Variants in NTNG2 observed in about 807,000 individuals in gnomAD.
NTNG2 encodes netrin G2.
Under a neutral mutation model 47.6 loss-of-function variants are expected in NTNG2, and 15 were observed. The ratio of observed to expected loss-of-function variants is 0.32; its 90% CI spans 0.21 to 0.49. The LOEUF is 0.49. Ranked by LOEUF, NTNG2 falls within the 20% of genes least tolerant of loss-of-function variation. The pLI is 0.99. For missense variants in NTNG2, 578 were observed against 764.6 expected, an observed-to-expected ratio of 0.76 and a Z score of 2.88; for synonymous variants, 307 against 324.6, an observed-to-expected ratio of 0.95 and a Z score of 0.58.
At chr9:132,164,649 G>T (rs7851893) in intron 1 of NTNG2, among the ~76,000 whole-genome samples, 70,073 of 152,188 alleles carry the variant, frequency 0.46, 17,253 homozygotes, top group African/African-American at 0.64. Context: ...GGCACGTTCT[G>T]TCTTAGAGTT....
chr9:132,172,722 A>ATTTTTT lies in NTNG2; in HGVS notation c.213+5697_213+5702dup, dbSNP rs35406789. 5.7e-3 allele frequency among the ~76,000 whole-genome samples: 476 copies of ATTTTTT among 83,462 alleles called. 20 individuals are homozygous for ATTTTTT. Among genetic ancestry groups the ATTTTTT allele is most frequent in the African/African-American group, 0.022 (454 of 20,228 alleles). 54.8% of individuals were successfully genotyped at this position (83,462 alleles called of 152,430 possible). Reference sequence around the variant, plus strand: ...TCAGAGGAGGCAGGATCAGGGCTGTATTTTTTTTTTTTTTTTTTTTTTTTG... The same window carrying ATTTTTT: ...TCAGAGGAGGCAGGATCAGGGCTGTATTTTTTTTTTTTTTTTTTTTTTTTTTTTTTG... On this transcript the variant is annotated intron_variant, in intron 2 of 7. Transcript: ENST00000393229.
rs1305306295 is a variant in NTNG2 at position 132,221,684 on chromosome 9, G to A, written c.858-5165G>A. Among the ~76,000 whole-genome samples, 1 of 152,152 alleles carries A rather than the reference G, an allele frequency of 6.6e-6. No homozygotes were observed. Among genetic ancestry groups the A allele is most frequent in the Admixed American group, 6.5e-5 (1 of 15,280 alleles). On this transcript the variant is annotated intron_variant, in intron 3 of 7. Transcript: ENST00000393229. This position sits in a 1 kb window ranked among gnomAD's most constrained non-coding sequence, Gnocchi z 4.2. ...AAGACAGGACTGATAGGAGGGGCTG[G>A]CCAGGATGGAGCCTGGGCAGAGCCA...
chr9:132,237,038 G>A (rs1841681500), intron 5 of NTNG2, among the ~76,000 whole-genome samples: 1 of 152,226 alleles, frequency 6.6e-6, no homozygotes, highest in Non-Finnish European at 1.5e-5. Context: ...TGTGCAATGT[G>A]ATGTCAATCT....
chr9:132,174,060 A>AGATG (rs1589373445), intron 2 of NTNG2, among the ~76,000 whole-genome samples: 1,339 of 136,980 alleles, frequency 9.8e-3, no homozygotes, highest in Middle Eastern at 0.013. Flanking sequence ...GCTGCGGATG[A>AGATG]GATGGACAGA....
At chr9:132,202,770 A>T (rs1838873249) in intron 3 of NTNG2, among the ~76,000 whole-genome samples, 1 of 152,188 alleles carries the variant, frequency 6.6e-6, no homozygotes, top group East Asian at 1.9e-4. Flanking sequence ...AGGGTTCCCC[A>T]GCCCCACCAC....
chr9:132,208,718 A>AT lies in NTNG2; in HGVS notation c.857+10119dup, dbSNP rs201119955. The stretch of plus-strand genomic sequence containing the variant: ...AGGTGAGGGGATTTTCTGGAGGGGA[A>AT]TTTTTTTTTTATTTCTTAATTTTTT... On this transcript the variant is annotated intron_variant, in intron 3 of 7. Coordinates refer to ENST00000393229, the MANE Select transcript of NTNG2 (RefSeq NM_032536.4). The surrounding 1 kb of genome is among the most constrained non-coding windows in gnomAD (Gnocchi z 4.0). 2.6e-5 allele frequency among the ~76,000 whole-genome samples: 4 copies of AT among 151,180 alleles called. No homozygotes were observed. The highest frequency in any genetic ancestry group is 5.9e-5 in the Non-Finnish European group (4 of 67,702).
At chr9:132,220,428 G>A (rs1418902777) in intron 3 of NTNG2, among the ~76,000 whole-genome samples, 1 of 150,688 alleles carries the variant, frequency 6.6e-6, no homozygotes, top group Non-Finnish European at 1.5e-5. Flanking sequence ...CTTAATTCAA[G>A]GTCATGAAGA....
At position 132,166,911 on chromosome 9, in the gene NTNG2, C is replaced by A. The variant is rs1044565159; in HGVS notation, c.80C>A (p.Thr27Asn). ...TATGACATCTGCAAATCCTGGGTGA[C>A]CACAGATGAGGGCCCCACCTGGGAG... ...GDYDICKSWV[T>N]TDEGPTWEFY... The change falls in exon 2 of 8, where the codon ACC becomes AAC. Residue 27 changes from threonine (T) to asparagine (N), a missense_variant. By Grantham distance (65) the Thr-to-Asn change is moderately conservative (BLOSUM62 0). Transcript: ENST00000393229. 4.3e-6 allele frequency: 7 copies of A among 1,614,104 alleles called. No homozygotes were observed. The highest frequency in any genetic ancestry group is 5.9e-6 in the Non-Finnish European group (7 of 1,180,040).
rs183976597 is a variant in NTNG2 at position 132,208,721 on chromosome 9, T to A, written c.857+10112T>A. ...TGAGGGGATTTTCTGGAGGGGAATTTTTTTTTTATTTCTTAATTTTTTATT... is the reference window on the plus strand; with the variant it reads ...TGAGGGGATTTTCTGGAGGGGAATTATTTTTTTATTTCTTAATTTTTTATT... On this transcript the variant is annotated intron_variant, in intron 3 of 7. Transcript: ENST00000393229. This position sits in a 1 kb window ranked among gnomAD's most constrained non-coding sequence, Gnocchi z 4.0. 6.0e-3 allele frequency among the ~76,000 whole-genome samples: 913 copies of A among 152,248 alleles called. 11 individuals carry two copies. The highest frequency in any genetic ancestry group is 0.021 in the African/African-American group (867 of 41,532).
chr9:132,213,067 T>C (rs1384187436), intron 3 of NTNG2, among the ~76,000 whole-genome samples: 1 of 151,866 alleles, frequency 6.6e-6, no homozygotes, highest in Admixed American at 6.6e-5. Context: ...GCCTGTAACC[T>C]CAACAATTTG....
intron 2 of NTNG2, among the ~76,000 whole-genome samples, chr9:132,195,885 G>GC (rs1280441896): frequency 2.6e-5 from 4 of 151,936 alleles, no homozygotes; most frequent in Non-Finnish European, 5.9e-5. Context: ...TCCCACTTCT[G>GC]CCCCCCGAGT....
chr9:132,211,851 C>G (rs1245996198), intron 3 of NTNG2, among the ~76,000 whole-genome samples: 3 of 152,200 alleles, frequency 2.0e-5, no homozygotes, highest in Non-Finnish European at 4.4e-5. Context: ...GGGATGGGGT[C>G]TGGCTTGTTC....
chr9:132,172,142 T>C (rs1835972682), intron 2 of NTNG2, among the ~76,000 whole-genome samples: 1 of 152,202 alleles, frequency 6.6e-6, no homozygotes, highest in African/African-American at 2.4e-5. Flanking sequence ...TGCTGTCTCC[T>C]CCACCCGAAT....
chr9:132,186,247 A>G (rs1400314728), intron 2 of NTNG2, among the ~76,000 whole-genome samples: 1 of 152,202 alleles, frequency 6.6e-6, no homozygotes, highest in Admixed American at 6.5e-5. Context: ...TGTCTGGTCC[A>G]TTCTGTCAGT....
intron 3 of NTNG2, among the ~76,000 whole-genome samples, chr9:132,201,285 C>A (rs1412716083): frequency 6.6e-6 from 1 of 152,254 alleles, no homozygotes; most frequent in East Asian, 1.9e-4. Context: ...GCCCATGTCT[C>A]CCTGGAGGTG....
At chr9:132,189,094 T>TTTTTTTTTTTTTTTTTTTTG (rs1204845571) in intron 2 of NTNG2, among the ~76,000 whole-genome samples, 1 of 139,530 alleles carries the variant, frequency 7.2e-6, no homozygotes, top group Admixed American at 7.3e-5. Flanking sequence ...TTTTTTTTTT[T>TTTTTTTTTTTTTTTTTTTTG]TAGACAGGGT....
At chr9:132,202,824 CTG>C (rs1838877600) in intron 3 of NTNG2, among the ~76,000 whole-genome samples, 1 of 151,838 alleles carries the variant, frequency 6.6e-6, no homozygotes, top group South Asian at 2.1e-4. Flanking sequence ...GTCCAGAAGG[CTG>C]TGTCTTTGCA....
In NTNG2 at chr9:132,223,430, C is replaced by T. The variant is rs142738574; in HGVS notation, c.858-3419C>T. Among the ~76,000 whole-genome samples, 15 of 152,074 alleles carry T rather than the reference C, an allele frequency of 9.9e-5. No individual in the cohort carries two copies. In the East Asian group the frequency reaches 2.7e-3, roughly 27 times the overall value. On this transcript the variant is annotated intron_variant, in intron 3 of 7. Coordinates refer to ENST00000393229, the MANE Select transcript of NTNG2 (RefSeq NM_032536.4). ...ACTGAGATATGAGGGAGGCCGGATG[C>T]GAGGAGGGAGCTCTGCAGCCTGTGG...
intron 7 of NTNG2, chr9:132,241,584 C>G: frequency 2.4e-6 from 1 of 418,470 alleles, no homozygotes; most frequent in South Asian, 3.4e-5. Context: ...GCTCCAGGCG[C>G]GTGGAACAGC....
Sources: allele counts gnomAD v4.1 joint callset (sites outside exome capture counted in the v4.1 genomes callset), GRCh38; gene constraint gnomAD v4.1.1; non-coding constraint Gnocchi (gnomAD v3.1); transcripts MANE v1.5; gene names NCBI Gene and HGNC (gene_info 2026-07-23, HGNC 2026-07-21).